The following TBC1D14 variants were observed in gnomAD, a reference collection of about 807,000 sequenced individuals.
The protein encoded by TBC1D14 is TBC1 domain family, member 14.
Under a neutral mutation model 79.0 loss-of-function variants are expected in TBC1D14, and 26 were observed. That is an observed-to-expected ratio of 0.33 (90% CI 0.24 to 0.46). TBC1D14 has a LOEUF of 0.46. Among genes scored for constraint, TBC1D14 ranks in the 20% least tolerant of loss-of-function variants. The pLI, the probability that TBC1D14 is intolerant of heterozygous loss-of-function variation, is 1.00. For synonymous variants in TBC1D14, 394 were observed against 349.9 expected, an observed-to-expected ratio of 1.13 and a Z score of -1.40; for missense variants, 769 against 887.6, an observed-to-expected ratio of 0.87 and a Z score of 1.70.
At chr4:6,955,344 GA>G (rs1305567569) in intron 2 of TBC1D14, among the ~76,000 whole-genome samples, 1 of 152,218 alleles carries the variant, frequency 6.6e-6, no homozygotes. Flanking sequence ...CCTTCAGGAG[GA>G]AGCGTCTTAG....
Position 6,996,420 on chromosome 4 carries a change from A to G in TBC1D14, c.1045+13A>G. ...GCCAAAAAGCGAGGTAATGGGGTTC[A>G]CACTTGATGGGTTAAATCAGGCAGC... On this transcript the variant is annotated intron_variant, in intron 5 of 13. Coordinates refer to ENST00000409757, the MANE Select transcript of TBC1D14 (RefSeq NM_020773.3). The G allele has an allele frequency of 6.2e-7, 1 of 1,600,898 alleles. No individual in the cohort carries two copies. Among genetic ancestry groups the G allele is most frequent in the Non-Finnish European group, 8.6e-7 (1 of 1,168,352 alleles).
chr4:6,959,176 C>T lies in TBC1D14; in HGVS notation c.723-8128C>T, dbSNP rs1008936213. 6.6e-5 allele frequency among the ~76,000 whole-genome samples: 10 copies of T among 152,310 alleles called. No individual in the cohort carries two copies. The East Asian group carries it at 1.3e-3, about 21-fold the overall frequency. On this transcript the variant is annotated intron_variant, in intron 2 of 13. Coordinates refer to ENST00000409757, the MANE Select transcript of TBC1D14 (RefSeq NM_020773.3). ...CTGGGATTACAGGCGTGAGCCACCG[C>T]GCCCGGCCGAGGATGGTAGCATTAT...
At chr4:6,978,034 AC>A (rs1716949253) in intron 3 of TBC1D14, among the ~76,000 whole-genome samples, 1 of 125,538 alleles carries the variant, frequency 8.0e-6, no homozygotes, top group Non-Finnish European at 1.7e-5. Flanking sequence ...GTGAGGAGCG[AC>A]TCCGCCCGGC....
intron 2 of TBC1D14, 56 bp from the exon 3 acceptor site, chr4:6,967,248 C>A (rs1715782489): frequency 1.3e-6 from 2 of 1,595,220 alleles, no homozygotes; most frequent in South Asian, 2.2e-5. Flanking sequence ...TTCTGCTGTT[C>A]TGGTGTTTCT....
intron 2 of TBC1D14, among the ~76,000 whole-genome samples, chr4:6,925,493 A>G (rs775320261): frequency 5.9e-5 from 9 of 152,092 alleles, no homozygotes; most frequent in Non-Finnish European, 1.2e-4. Context: ...TGTGGCCAAC[A>G]CATTACCACT....
At chr4:6,930,193 C>A (rs1016281772) in intron 2 of TBC1D14, among the ~76,000 whole-genome samples, 9 of 152,206 alleles carry the variant, frequency 5.9e-5, no homozygotes, top group African/African-American at 2.2e-4. Flanking sequence ...TCTGTCCGGG[C>A]ACTGAAGCTC....
intron 8 of TBC1D14, 97 bp from the exon 9 acceptor site, chr4:7,006,535 T>A: frequency 8.9e-7 from 1 of 1,129,238 alleles, no homozygotes; most frequent in South Asian, 1.4e-5. Flanking sequence ...CTGAAAAACT[T>A]TTTTCCGTGT....
chr4:6,916,957 G>A (rs1174268656), intron 1 of TBC1D14, among the ~76,000 whole-genome samples: 1 of 152,180 alleles, frequency 6.6e-6, no homozygotes, highest in African/African-American at 2.4e-5. Flanking sequence ...TTGGGACTTT[G>A]GAAAACACCT....
At chr4:6,915,206 G>A (rs986132785) in intron 1 of TBC1D14, among the ~76,000 whole-genome samples, 2 of 152,170 alleles carry the variant, frequency 1.3e-5, no homozygotes, top group Non-Finnish European at 2.9e-5. Flanking sequence ...AGGGCAGGAC[G>A]CTCATAAGAG....
intron 1 of TBC1D14, among the ~76,000 whole-genome samples, chr4:6,914,710 T>A (rs1157504427): frequency 6.6e-6 from 1 of 152,140 alleles, no homozygotes; most frequent in African/African-American, 2.4e-5. Flanking sequence ...GCCTGGAGCG[T>A]CCAGTCCTTT....
At position 7,007,274 on chromosome 4, in the gene TBC1D14, C is replaced by T. The variant is rs1720298727; in HGVS notation, c.1446+548C>T. Among the ~76,000 whole-genome samples, 3 of 152,156 alleles carry T rather than the reference C, an allele frequency of 2.0e-5. No individual in the cohort carries two copies. In the South Asian group the frequency reaches 6.2e-4, roughly 32 times the overall value. ...CCTGCTGTGGGAGATAGGACAGGCT[C>T]CTTAGGTGGCAGGAAAAGCAGAGGG... On this transcript the variant is annotated intron_variant, in intron 9 of 13. Coordinates refer to ENST00000409757, the MANE Select transcript of TBC1D14 (RefSeq NM_020773.3).
rs780396996 is a variant in TBC1D14, at chr4:7,025,202, G to A, written c.1956G>A (p.Glu652=). 6.2e-7 allele frequency: 1 copy of A among 1,614,236 alleles called. No homozygotes were observed. The highest frequency in any genetic ancestry group is 8.5e-7 in the Non-Finnish European group (1 of 1,180,036). The change falls in exon 13 of 14, where the codon GAG becomes GAA. Residue 652 remains glutamate (E), a synonymous_variant. Coordinates refer to ENST00000409757, the MANE Select transcript of TBC1D14 (RefSeq NM_020773.3). ...LTRLPEDLPA[E]ELFASIATIQ... ...GGCTGCCCGAGGACCTGCCCGCCGA[G>A]GAGCTGTTTGCCTCCATCGCCACGA...
chr4:6,911,035 C>T (rs1476168440), intron 1 of TBC1D14, among the ~76,000 whole-genome samples: 1 of 152,134 alleles, frequency 6.6e-6, no homozygotes, highest in Non-Finnish European at 1.5e-5. Context: ...CGGTGGGTTG[C>T]CTGTTGGAAA....
At chr4:6,940,164 C>T (rs11723719) in intron 2 of TBC1D14, among the ~76,000 whole-genome samples, 44,179 of 152,180 alleles carry the variant, frequency 0.29, 6,527 homozygotes, top group Admixed American at 0.32. Flanking sequence ...TAAAATTACC[C>T]GAAATGGAAA....
At chr4:6,992,383 G>A (rs1240788527) in intron 3 of TBC1D14, among the ~76,000 whole-genome samples, 1 of 152,208 alleles carries the variant, frequency 6.6e-6, no homozygotes, top group Non-Finnish European at 1.5e-5. Context: ...GCCCAGCCTT[G>A]CTGGCTGTAT....
At chr4:6,987,803 A>G (rs886969398) in intron 3 of TBC1D14, among the ~76,000 whole-genome samples, 1 of 152,234 alleles carries the variant, frequency 6.6e-6, no homozygotes, top group African/African-American at 2.4e-5. Flanking sequence ...AGGTTGCAAC[A>G]GCAACCGGGC....
chr4:6,990,557 C>CGG (rs2109138182), intron 3 of TBC1D14, among the ~76,000 whole-genome samples: 2 of 152,294 alleles, frequency 1.3e-5, no homozygotes, highest in East Asian at 3.9e-4. Flanking sequence ...CACAGCAAGA[C>CGG]GGGCATCGAT....
At chr4:6,937,352 A>G (rs958944506) in intron 2 of TBC1D14, among the ~76,000 whole-genome samples, 20 of 152,198 alleles carry the variant, frequency 1.3e-4, no homozygotes, top group Admixed American at 1.1e-3. Context: ...GCTGTTGAAC[A>G]TGTTTTTTTA....
chr4:7,005,713 A>C (rs1720125425), intron 8 of TBC1D14, among the ~76,000 whole-genome samples: 1 of 152,048 alleles, frequency 6.6e-6, no homozygotes, highest in Non-Finnish European at 1.5e-5. Flanking sequence ...AAAAAAAAGA[A>C]ATAGAACATC....
Sources: allele counts gnomAD v4.1 joint callset (sites outside exome capture counted in the v4.1 genomes callset), GRCh38; gene constraint gnomAD v4.1.1; transcripts MANE v1.5; gene names NCBI Gene and HGNC (gene_info 2026-07-23, HGNC 2026-07-21).